Variants in HS6ST3 observed in about 807,000 individuals in gnomAD.
The protein encoded by HS6ST3 is heparan sulfate 6-O-sulfotransferase 3.
A neutral mutation model predicts 36.7 loss-of-function variants in HS6ST3; 12 were observed. That is an observed-to-expected ratio of 0.33 (90% CI 0.21 to 0.53). The LOEUF (loss-of-function observed/expected upper bound fraction) is 0.53, where lower values mean the gene tolerates loss of function less well. Ranked by LOEUF, HS6ST3 falls within the 20% of genes least tolerant of loss-of-function variation. The pLI, the probability that HS6ST3 is intolerant of heterozygous loss-of-function variation, is 0.95. For synonymous variants in HS6ST3, 240 were observed against 257.5 expected (o/e 0.93, Z 0.65); for missense variants, 584 against 640.9 (o/e 0.91, Z 0.96).
chr13:96,572,895 GCA>G (rs764462151), intron 1 of HS6ST3, among the ~76,000 whole-genome samples: 1 of 152,178 alleles, frequency 6.6e-6, no homozygotes, highest in Non-Finnish European at 1.5e-5. Context: ...GCAATGATAG[GCA>G]CATTGTGTAA....
At chr13:96,812,234 A>C (rs896291811) in intron 1 of HS6ST3, among the ~76,000 whole-genome samples, 2 of 152,172 alleles carry the variant, frequency 1.3e-5, no homozygotes, top group Admixed American at 1.3e-4. Context: ...TTTAAAAATT[A>C]ATACTAGTCA....
At chr13:96,720,658 T>G (rs1183209301) in intron 1 of HS6ST3, among the ~76,000 whole-genome samples, 2 of 152,182 alleles carry the variant, frequency 1.3e-5, no homozygotes, top group African/African-American at 4.8e-5. Flanking sequence ...TTTGCTTTTA[T>G]CCTCATCTCA....
intron 1 of HS6ST3, among the ~76,000 whole-genome samples, chr13:96,610,076 G>T (rs1594817816): frequency 6.6e-6 from 1 of 152,260 alleles, no homozygotes; most frequent in South Asian, 2.1e-4. Context: ...AAACATAGAG[G>T]CATGACTCTG....
At chr13:96,347,932 A>G (rs2055163698) in intron 1 of HS6ST3, among the ~76,000 whole-genome samples, 1 of 152,202 alleles carries the variant, frequency 6.6e-6, no homozygotes, top group African/African-American at 2.4e-5. Flanking sequence ...AGTAGGCTTC[A>G]GGCCAATTAA....
chr13:96,697,675 C>T (rs774544659), intron 1 of HS6ST3, among the ~76,000 whole-genome samples: 25 of 152,136 alleles, frequency 1.6e-4, no homozygotes, highest in Non-Finnish European at 2.4e-4. Flanking sequence ...TAATCAGCAA[C>T]ACTATATCAA....
At chr13:96,288,283 T>C (rs1329039944) in intron 1 of HS6ST3, among the ~76,000 whole-genome samples, 6 of 152,206 alleles carry the variant, frequency 3.9e-5, no homozygotes, top group Non-Finnish European at 7.3e-5. Flanking sequence ...TAATTTATAT[T>C]ACATTTTTTA....
chr13:96,458,260 C>A (rs1464902845), intron 1 of HS6ST3, among the ~76,000 whole-genome samples: 1 of 151,868 alleles, frequency 6.6e-6, no homozygotes, highest in Admixed American at 6.6e-5. Context: ...ATGCCAAATT[C>A]TGTTTTTCTG....
intron 1 of HS6ST3, among the ~76,000 whole-genome samples, chr13:96,141,806 T>C (rs544830371): frequency 6.6e-5 from 10 of 152,044 alleles, no homozygotes; most frequent in African/African-American, 1.9e-4. Flanking sequence ...CAGTACTCTA[T>C]GGAAAGAATT....
At chr13:96,794,798 T>A (rs544699753) in intron 1 of HS6ST3, among the ~76,000 whole-genome samples, 34 of 152,160 alleles carry the variant, frequency 2.2e-4, no homozygotes, top group African/African-American at 7.9e-4. Context: ...ATGTATAAGG[T>A]CATCAGATGA....
intron 1 of HS6ST3, among the ~76,000 whole-genome samples, chr13:96,730,141 A>T (rs1876111263): frequency 6.6e-6 from 1 of 152,256 alleles, no homozygotes; most frequent in African/African-American, 2.4e-5. Context: ...TTCCCCATTT[A>T]GTGTCATTTG....
At chr13:96,718,008 A>C (rs1011041409) in intron 1 of HS6ST3, among the ~76,000 whole-genome samples, 1 of 152,072 alleles carries the variant, frequency 6.6e-6, no homozygotes, top group African/African-American at 2.4e-5. Flanking sequence ...GCTTTACCCC[A>C]GTCTCCCTGT....
chr13:96,650,407 A>G (rs1001578065), intron 1 of HS6ST3, among the ~76,000 whole-genome samples: 1 of 152,014 alleles, frequency 6.6e-6, no homozygotes, highest in African/African-American at 2.4e-5. Context: ...TCTGTCTTAT[A>G]TCTATATCGA....
At chr13:96,698,486 C>A (rs1875193836) in intron 1 of HS6ST3, among the ~76,000 whole-genome samples, 1 of 152,150 alleles carries the variant, frequency 6.6e-6, no homozygotes, top group Non-Finnish European at 1.5e-5. Context: ...AGAGCCAAAT[C>A]ATGAGTGAAC....
At chr13:96,806,498 G>A (rs748289730) in intron 1 of HS6ST3, among the ~76,000 whole-genome samples, 1 of 152,204 alleles carries the variant, frequency 6.6e-6, no homozygotes, top group Non-Finnish European at 1.5e-5. Context: ...GGCAACAGGT[G>A]AGAAAAGGCT....
At chr13:96,765,592 C>T (rs13379014) in intron 1 of HS6ST3, among the ~76,000 whole-genome samples, 17 of 49,214 alleles carry the variant, frequency 3.5e-4, no homozygotes, top group African/African-American at 1.9e-3. Flanking sequence ...CTCTCTTTCT[C>T]TCTCTCTCTC....
intron 1 of HS6ST3, among the ~76,000 whole-genome samples, chr13:96,503,081 C>G (rs965754586): frequency 1.3e-5 from 2 of 152,056 alleles, no homozygotes; most frequent in African/African-American, 2.4e-5. Flanking sequence ...ATTTAGTGAG[C>G]TTCATTTTGT....
At chr13:96,349,329 G>A (rs1258967356) in intron 1 of HS6ST3, among the ~76,000 whole-genome samples, 1 of 151,962 alleles carries the variant, frequency 6.6e-6, no homozygotes, top group African/African-American at 2.4e-5. Flanking sequence ...TTGTGTGTTT[G>A]TGTGTTCTAC....
chr13:96,357,702 A>G (rs1001208934), intron 1 of HS6ST3, among the ~76,000 whole-genome samples: 2 of 152,000 alleles, frequency 1.3e-5, no homozygotes, highest in African/African-American at 4.8e-5. Context: ...AGCTGGGACT[A>G]CAGGTTACAG....
At position 96,090,833 on chromosome 13, in the gene HS6ST3, C is replaced by A; in HGVS notation, c.-30C>A. Reference sequence around the variant, plus strand: ...TCCGCCCTGCCGCCGCCGCCGCCGCCGCTTCGCCTGCCGGCCTGAGAGCGG... The same window carrying A: ...TCCGCCCTGCCGCCGCCGCCGCCGCAGCTTCGCCTGCCGGCCTGAGAGCGG... On this transcript the variant is annotated 5_prime_UTR_variant, in exon 1 of 2. Coordinates refer to ENST00000376705, the MANE Select transcript of HS6ST3 (RefSeq NM_153456.4). The A allele has an allele frequency of 4.1e-6, 6 of 1,465,944 alleles. No homozygotes were observed. Among genetic ancestry groups the A allele is most frequent in the Non-Finnish European group, 5.4e-6 (6 of 1,103,714 alleles). 90.8% of individuals were successfully genotyped at this position (1,465,944 alleles called of 1,614,324 possible). A position where few individuals can be genotyped will look rare whatever the true frequency, so the allele number is the denominator to read the frequency against.
Sources: allele counts gnomAD v4.1 joint callset (sites outside exome capture counted in the v4.1 genomes callset), GRCh38; gene constraint gnomAD v4.1.1; transcripts MANE v1.5; gene names NCBI Gene and HGNC (gene_info 2026-07-23, HGNC 2026-07-21).